KATNIP: variants seen among roughly 807,000 people sequenced by gnomAD.
KATNIP encodes katanin-interacting protein.
In KATNIP, 126 loss-of-function variants were observed where a neutral mutation model predicts 174.0. The observed-to-expected ratio is 0.72, with a 90% CI of 0.63 to 0.84. The LOEUF (loss-of-function observed/expected upper bound fraction) is 0.84, where lower values mean the gene tolerates loss of function less well. KATNIP is among the 40% of genes least tolerant of loss of function. KATNIP has a pLI of 0.00. For synonymous variants in KATNIP, 810 were observed against 835.7 expected (o/e 0.97, Z 0.53); for missense variants, 1,958 against 2,109.7 (o/e 0.93, Z 1.41).
intron 14 of KATNIP, among the ~76,000 whole-genome samples, chr16:27,738,886 T>C (rs1167928950): frequency 6.6e-6 from 1 of 152,128 alleles, no homozygotes; most frequent in Non-Finnish European, 1.5e-5. Context: ...AGCTCGTGCA[T>C]GTGTTGGGGC....
chr16:27,654,037 G>A (rs530613852), intron 6 of KATNIP, among the ~76,000 whole-genome samples: 1 of 152,242 alleles, frequency 6.6e-6, no homozygotes, highest in African/African-American at 2.4e-5. Context: ...GTGCAGTGGT[G>A]AGATCTTGGC....
intron 8 of KATNIP, among the ~76,000 whole-genome samples, chr16:27,694,329 T>C (rs1021680257): frequency 2.0e-5 from 3 of 152,190 alleles, no homozygotes; most frequent in South Asian, 4.1e-4. Flanking sequence ...GATGGTTTGC[T>C]AAGGTCCTGA....
rs775407625 is a variant in KATNIP at position 27,631,110 on chromosome 16, G to A, written c.356G>A (p.Arg119Lys). Residue 119 changes from arginine to lysine, a missense_variant, in exon 5 of 28, where the codon AGA becomes AAA. This residue lies in a region of KATNIP where 1,557 missense variants were observed against 1,617.8 expected (regional missense o/e 0.96). Transcript: ENST00000261588. Reference sequence around the variant, plus strand: ...TTTCGAGAAGCTGAAGAAGCCTTAAGACGCAGTTCACGGACAGCCCCCAGT... The same window carrying A: ...TTTCGAGAAGCTGAAGAAGCCTTAAAACGCAGTTCACGGACAGCCCCCAGT... Reference protein sequence around the residue: ...TLFREAEEALRRSSRTAPSKV... With the variant: ...TLFREAEEALKRSSRTAPSKV... 48 of 1,578,794 alleles carry A rather than the reference G, an allele frequency of 3.0e-5. No homozygotes were observed. The South Asian group carries it at 5.1e-4, about 17-fold the overall frequency.
Position 27,776,181 on chromosome 16 carries a change from C to T in KATNIP, c.4450-747C>T, listed in dbSNP as rs967142923. Among the ~76,000 whole-genome samples, 10 of 152,280 alleles carry T rather than the reference C, an allele frequency of 6.6e-5. No individual in the cohort carries two copies. In the South Asian group the frequency reaches 1.7e-3, roughly 25 times the overall value. On this transcript the variant is annotated intron_variant, in intron 24 of 27. Coordinates refer to ENST00000261588, the MANE Select transcript of KATNIP (RefSeq NM_015202.5). The surrounding 1 kb of genome is among the most constrained non-coding windows in gnomAD (Gnocchi z 4.7). ...GTCCAGCCAGGAGGCTGGCCCTACC[C>T]GAGCAGCCGCACTCCCTCTTGGCAT... is the stretch of plus-strand genomic sequence containing the variant.
At chr16:27,750,711 C>T (rs970828689) in intron 16 of KATNIP, among the ~76,000 whole-genome samples, 5 of 140,948 alleles carry the variant, frequency 3.5e-5, no homozygotes, top group Admixed American at 7.2e-5. Flanking sequence ...GAATTACAGG[C>T]GTGAGCCACC....
At chr16:27,625,608 G>A (rs944578873) in intron 3 of KATNIP, among the ~76,000 whole-genome samples, 1 of 152,212 alleles carries the variant, frequency 6.6e-6, no homozygotes, top group Non-Finnish European at 1.5e-5. Flanking sequence ...GCTGGCAAGA[G>A]ATAAGCAGCC....
At chr16:27,695,427 C>T (rs2078880528) in intron 8 of KATNIP, among the ~76,000 whole-genome samples, 1 of 152,222 alleles carries the variant, frequency 6.6e-6, no homozygotes, top group South Asian at 2.1e-4. Context: ...GAGAACACAT[C>T]ACACGCCTCC....
chr16:27,713,534 A>G (rs1838694845), intron 13 of KATNIP, among the ~76,000 whole-genome samples: 1 of 151,618 alleles, frequency 6.6e-6, no homozygotes, highest in South Asian at 2.1e-4. Flanking sequence ...TGAGGCCAGG[A>G]GTTTGACACC....
At chr16:27,727,202 GT>G in intron 14 of KATNIP, 3 of 223,046 alleles carry the variant, frequency 1.3e-5, no homozygotes, top group Admixed American at 4.5e-5. Context: ...TTGTTTGTTT[GT>G]TTTTCTAGAC....
chr16:27,692,890 T>C (rs1167977862), intron 8 of KATNIP, among the ~76,000 whole-genome samples: 2 of 152,212 alleles, frequency 1.3e-5, no homozygotes, highest in Non-Finnish European at 2.9e-5. Context: ...GTCGTAAGCC[T>C]GGTAACGAAG....
chr16:27,752,780 C>G (rs1187557723), intron 17 of KATNIP, among the ~76,000 whole-genome samples: 1 of 152,110 alleles, frequency 6.6e-6, no homozygotes, highest in Non-Finnish European at 1.5e-5. Flanking sequence ...TCATGAACTC[C>G]TGGACTCAAG....
chr16:27,609,679 C>T (rs1450545367), intron 2 of KATNIP, among the ~76,000 whole-genome samples: 26 of 150,578 alleles, frequency 1.7e-4, no homozygotes, highest in African/African-American at 5.1e-4. Flanking sequence ...CGTGAGCCAC[C>T]GCGCCCTGCC....
chr16:27,720,804 G>A (rs1216060318), intron 13 of KATNIP, among the ~76,000 whole-genome samples: 2 of 152,176 alleles, frequency 1.3e-5, no homozygotes, highest in Non-Finnish European at 2.9e-5. Flanking sequence ...GCGTTTGGGA[G>A]CAGCTGTGAG....
At chr16:27,665,859 G>T (rs977947156) in intron 6 of KATNIP, among the ~76,000 whole-genome samples, 3 of 151,472 alleles carry the variant, frequency 2.0e-5, no homozygotes, top group Non-Finnish European at 4.4e-5. Flanking sequence ...CCTCGGCCTG[G>T]CAAAGTGCTG....
chr16:27,722,616 T>C (rs1198448975), intron 14 of KATNIP, among the ~76,000 whole-genome samples: 1 of 152,192 alleles, frequency 6.6e-6, no homozygotes, highest in African/African-American at 2.4e-5. Flanking sequence ...TTCAAATCTG[T>C]AAGGGAAGCG....
intron 2 of KATNIP, among the ~76,000 whole-genome samples, chr16:27,598,454 G>T (rs895797896): frequency 6.6e-6 from 1 of 152,210 alleles, no homozygotes; most frequent in Non-Finnish European, 1.5e-5. Flanking sequence ...CACCCCATGT[G>T]GCTACTCAGC....
At chr16:27,706,905 A>G (rs1044700306) in intron 12 of KATNIP, among the ~76,000 whole-genome samples, 2 of 152,182 alleles carry the variant, frequency 1.3e-5, no homozygotes, top group Non-Finnish European at 2.9e-5. Flanking sequence ...GTTTAGCTTT[A>G]TCACTGTCCT....
chr16:27,694,409 T>A (rs1035206842), intron 8 of KATNIP, among the ~76,000 whole-genome samples: 1 of 152,192 alleles, frequency 6.6e-6, no homozygotes, highest in Admixed American at 6.5e-5. Context: ...CCCCAAGATG[T>A]CATACCTGTA....
At chr16:27,550,857 A>C (rs1024463345) in intron 1 of KATNIP, among the ~76,000 whole-genome samples, 1 of 152,202 alleles carries the variant, frequency 6.6e-6, no homozygotes, top group African/African-American at 2.4e-5. Context: ...GAGCTGAATT[A>C]TGGAGCTTGA....
Sources: gnomAD v4.1 joint callset for allele counts (sites outside exome capture counted in the v4.1 genomes callset) on GRCh38, gnomAD v4.1.1 for gene constraint, gnomAD v4.1.1 regional missense constraint, Gnocchi (gnomAD v3.1) non-coding constraint, MANE v1.5 for transcripts, NCBI Gene and HGNC (gene_info 2026-07-23, HGNC 2026-07-21) for gene names.